The following CSMD1 variants were observed in gnomAD, a reference collection of about 807,000 sequenced individuals.
The protein encoded by CSMD1 is CUB and sushi domain-containing protein 1.
In CSMD1, 213 loss-of-function variants were observed where a neutral mutation model predicts 417.5. The ratio of observed to expected loss-of-function variants is 0.51; its 90% confidence interval spans 0.46 to 0.57. The LOEUF (loss-of-function observed/expected upper bound fraction) is 0.57. CSMD1 is among the 20% of genes least tolerant of loss of function. CSMD1 has a pLI of 0.00. For synonymous variants in CSMD1, 2,862 were observed against 1,736.8 expected (o/e 1.65, Z -16.11); for missense variants, 6,923 against 4,529.7 (o/e 1.53, Z -15.17).
intron 7 of CSMD1, among the ~76,000 whole-genome samples, chr8:3,696,351 CT>C (rs1331449287): frequency 6.6e-6 from 1 of 152,170 alleles, no homozygotes; most frequent in Non-Finnish European, 1.5e-5. Context: ...ATGTGTTCAC[CT>C]TGGCTTATCT....
intron 10 of CSMD1, among the ~76,000 whole-genome samples, chr8:3,550,500 G>C (rs1275425360): frequency 1.3e-5 from 2 of 152,158 alleles, no homozygotes; most frequent in Non-Finnish European, 2.9e-5. Flanking sequence ...GCACAGTAAT[G>C]TTTCCATACA....
intron 1 of CSMD1, among the ~76,000 whole-genome samples, chr8:4,736,534 G>C (rs965971928): frequency 2.6e-5 from 4 of 152,154 alleles, no homozygotes; most frequent in Non-Finnish European, 5.9e-5. Context: ...ATGACAGCAT[G>C]ACAGCTGCGG....
chr8:4,940,184 T>C (rs1191339821), intron 1 of CSMD1, among the ~76,000 whole-genome samples: 1 of 152,108 alleles, frequency 6.6e-6, no homozygotes, highest in Non-Finnish European at 1.5e-5. Flanking sequence ...GACTGACCTA[T>C]TTCCTCTTTA....
chr8:4,213,055 G>C (rs1800417302), intron 3 of CSMD1, among the ~76,000 whole-genome samples: 2 of 151,990 alleles, frequency 1.3e-5, no homozygotes, highest in South Asian at 4.2e-4. Context: ...CCCACTCTAA[G>C]GTCACTTTGA....
chr8:3,871,624 A>G (rs1369905351), intron 5 of CSMD1, among the ~76,000 whole-genome samples: 1 of 152,172 alleles, frequency 6.6e-6, no homozygotes, highest in African/African-American at 2.4e-5. Flanking sequence ...TATACAGGAT[A>G]TATTTTTTCT....
At chr8:4,155,056 C>A (rs562302907) in intron 3 of CSMD1, among the ~76,000 whole-genome samples, 11 of 152,290 alleles carry the variant, frequency 7.2e-5, no homozygotes, top group Admixed American at 3.9e-4. Flanking sequence ...AGAATTTGTC[C>A]TGTTCCAGGC....
chr8:3,982,579 T>G (rs1383274800), intron 5 of CSMD1, among the ~76,000 whole-genome samples: 1 of 151,878 alleles, frequency 6.6e-6, no homozygotes, highest in Admixed American at 6.6e-5. Context: ...GCCTAGTCAT[T>G]TAGAATTTCA....
At chr8:4,339,226 T>C (rs976653081) in intron 3 of CSMD1, among the ~76,000 whole-genome samples, 1 of 152,086 alleles carries the variant, frequency 6.6e-6, no homozygotes, top group African/African-American at 2.4e-5. Flanking sequence ...CAATAAGCCA[T>C]AGGAAATAAT....
At position 3,978,890 on chromosome 8, in the gene CSMD1, G is replaced by C. The variant is rs541221939; in HGVS notation, c.818+19013C>G. 2.9e-4 allele frequency among the ~76,000 whole-genome samples: 44 copies of C among 152,288 alleles called. No individual in the cohort carries two copies. In the South Asian group the frequency reaches 8.3e-3, roughly 29 times the overall value. ...GTTTAATGAAAGGAACACAATATGG[G>C]AACAGTGAGAAGACAAGGAATTAGC... On this transcript the variant is annotated intron_variant, in intron 5 of 69. Transcript: ENST00000635120.
chr8:3,772,450 CAT>C (rs377676447), intron 5 of CSMD1, among the ~76,000 whole-genome samples: 2,113 of 60,910 alleles, frequency 0.035, 618 homozygotes, highest in African/African-American at 0.12. Flanking sequence ...TATATATACA[CAT>C]ATATATACAT....
chr8:3,651,025 CTT>C (rs1322690380), intron 7 of CSMD1, among the ~76,000 whole-genome samples: 2 of 152,224 alleles, frequency 1.3e-5, no homozygotes, highest in Admixed American at 6.5e-5. Flanking sequence ...AGCCTTGACT[CTT>C]TTCATCATAC....
At chr8:4,068,870 C>A (rs1585244815) in intron 3 of CSMD1, among the ~76,000 whole-genome samples, 1 of 152,064 alleles carries the variant, frequency 6.6e-6, no homozygotes, top group African/African-American at 2.4e-5. Flanking sequence ...TCTAGTTAGG[C>A]ACTGCATTAT....
At chr8:4,712,732 G>C (rs1378866065) in intron 1 of CSMD1, among the ~76,000 whole-genome samples, 1 of 151,960 alleles carries the variant, frequency 6.6e-6, no homozygotes, top group Non-Finnish European at 1.5e-5. Context: ...TTTTTCACTT[G>C]TGATATTAAA....
intron 1 of CSMD1, among the ~76,000 whole-genome samples, chr8:4,940,501 C>T (rs1371504115): frequency 6.6e-6 from 1 of 152,158 alleles, no homozygotes; most frequent in Non-Finnish European, 1.5e-5. Context: ...TGTTTGCTAA[C>T]CTAGGCACTT....
At chr8:4,885,551 T>C (rs1466401955) in intron 1 of CSMD1, among the ~76,000 whole-genome samples, 1 of 152,042 alleles carries the variant, frequency 6.6e-6, no homozygotes, top group Non-Finnish European at 1.5e-5. Context: ...GTGTTGGATT[T>C]TGTCAAATGC....
At chr8:4,578,592 G>A (rs748000555) in intron 2 of CSMD1, among the ~76,000 whole-genome samples, 25 of 151,206 alleles carry the variant, frequency 1.7e-4, no homozygotes, top group Admixed American at 4.6e-4. Flanking sequence ...CAAGGTGGGC[G>A]GTTCACGAGG....
chr8:3,878,136 C>G (rs1291435738), intron 5 of CSMD1, among the ~76,000 whole-genome samples: 1 of 152,100 alleles, frequency 6.6e-6, no homozygotes, highest in Non-Finnish European at 1.5e-5. Flanking sequence ...CATTCCTTTC[C>G]TTTTGTCTTT....
At chr8:4,254,649 C>T (rs145167643) in intron 3 of CSMD1, among the ~76,000 whole-genome samples, 2 of 152,298 alleles carry the variant, frequency 1.3e-5, no homozygotes, top group Non-Finnish European at 2.9e-5. Flanking sequence ...TCTGTGGTAA[C>T]TGCCGTAGAC....
chr8:4,044,595 G>C (rs900477064), intron 3 of CSMD1, among the ~76,000 whole-genome samples: 2 of 152,080 alleles, frequency 1.3e-5, no homozygotes, highest in African/African-American at 4.8e-5. Flanking sequence ...AATTAAATCC[G>C]GGTCTCATTT....
Sources: allele counts gnomAD v4.1 joint callset (sites outside exome capture counted in the v4.1 genomes callset), GRCh38; gene constraint gnomAD v4.1.1; transcripts MANE v1.5; gene names NCBI Gene and HGNC (gene_info 2026-07-23, HGNC 2026-07-21).